The following NEDD1 variants were observed in gnomAD, a reference collection of about 807,000 sequenced individuals.
NEDD1 encodes protein NEDD1.
In NEDD1, 33 loss-of-function variants were observed where a neutral mutation model predicts 74.0. The observed-to-expected ratio is 0.45, with a 90% CI of 0.34 to 0.60. The LOEUF (loss-of-function observed/expected upper bound fraction) is 0.60. NEDD1 is among the 20% of genes least tolerant of loss of function. The pLI, the probability that NEDD1 is intolerant of heterozygous loss-of-function variation, is 0.01. For synonymous variants in NEDD1, 250 were observed against 264.4 expected, an observed-to-expected ratio of 0.95 and a Z score of 0.53; for missense variants, 746 against 776.5, an observed-to-expected ratio of 0.96 and a Z score of 0.47.
rs545333327 is a variant in NEDD1 at position 96,926,511 on chromosome 12, T to C, written c.489+6386T>C. On this transcript the variant is annotated intron_variant, in intron 6 of 15. Transcript: ENST00000266742. ...CAGTTTTCATGATTTTACATACTTA[T>C]GTTTTCCTTTTATGGGCAGCATAAT... 7.0e-4 allele frequency among the ~76,000 whole-genome samples: 107 copies of C among 152,292 alleles called. 1 individual carries two copies. Among genetic ancestry groups the C allele is most frequent in the Non-Finnish European group, 1.1e-3 (75 of 68,024 alleles).
intron 6 of NEDD1, among the ~76,000 whole-genome samples, chr12:96,927,955 A>C (rs1024632400): frequency 6.6e-6 from 1 of 152,094 alleles, no homozygotes; most frequent in Admixed American, 6.5e-5. Flanking sequence ...GATTCTCTAT[A>C]TATTTCTGTA....
At chr12:96,923,957 G>A (rs891654445) in intron 6 of NEDD1, among the ~76,000 whole-genome samples, 1 of 151,934 alleles carries the variant, frequency 6.6e-6, no homozygotes, top group Non-Finnish European at 1.5e-5. Flanking sequence ...GAAGAATCTT[G>A]CCTGCCCCAA....
rs1216468886 is a variant in NEDD1, at chr12:96,935,027, G to A, written c.541G>A (p.Val181Ile). Residue 181 changes from valine (V) to isoleucine (I), a missense_variant, in exon 7 of 16, where the codon GTT (valine) becomes ATT (isoleucine). Physicochemically the swap from Val to Ile is conservative, Grantham distance 29. This residue lies in a region of NEDD1 where 706 missense variants were observed against 706.7 expected (regional missense o/e 1.00). Transcript: ENST00000266742. Reference sequence around the variant, plus strand: ...GTTTAAGAAATCACTACTGGGCAGTGTTTCGGATAATGGAATAGTAACTCT... The same window carrying A: ...GTTTAAGAAATCACTACTGGGCAGTATTTCGGATAATGGAATAGTAACTCT... The part of the protein sequence containing the change: ...SLFKKSLLGS[V>I]SDNGIVTLWD... The A allele has an allele frequency of 1.2e-6, 2 of 1,612,632 alleles. No homozygotes were observed. Among genetic ancestry groups the A allele is most frequent in the Non-Finnish European group, 1.7e-6 (2 of 1,178,604 alleles).
chr12:96,916,848 G>A (rs1874521253), intron 4 of NEDD1, among the ~76,000 whole-genome samples: 1 of 152,166 alleles, frequency 6.6e-6, no homozygotes, highest in South Asian at 2.1e-4. Flanking sequence ...AGTGGAAACA[G>A]GGAAACCAGT....
chr12:96,909,987 C>A, intron 3 of NEDD1, 92 bp downstream of exon 3: 1 of 1,368,934 alleles, frequency 7.3e-7, no homozygotes, highest in South Asian at 1.5e-5. Flanking sequence ...GCATGTGCCT[C>A]ATACTGAGTA....
At chr12:96,935,702 A>G (rs1322633234) in intron 7 of NEDD1, among the ~76,000 whole-genome samples, 2 of 152,138 alleles carry the variant, frequency 1.3e-5, no homozygotes, top group Admixed American at 1.3e-4. Context: ...GGTAGTAACC[A>G]GGGACAACCT....
At chr12:96,907,426 G>A in intron 1 of NEDD1, 126 bp downstream of exon 1, 2 of 537,324 alleles carry the variant, frequency 3.7e-6, no homozygotes, top group Non-Finnish European at 6.5e-6. Context: ...TTGCGCGCCC[G>A]GAGCGGTTGC....
At chr12:96,934,453 C>T (rs1398514676) in intron 6 of NEDD1, among the ~76,000 whole-genome samples, 4 of 150,814 alleles carry the variant, frequency 2.7e-5, no homozygotes, top group East Asian at 1.9e-4. Context: ...TGAATGACAC[C>T]GTGGTTGTCA....
At chr12:96,944,492 C>T (rs249584) in intron 12 of NEDD1, 147 bp from the exon 13 acceptor site, 185,693 of 418,076 alleles carry the variant, frequency 0.44, 40,371 homozygotes, top group African/African-American at 0.55. Flanking sequence ...TTCTCTTTTT[C>T]TTTTTCTTCT....
chr12:96,936,717 G>A lies in NEDD1; in HGVS notation c.826G>A (p.Asp276Asn), dbSNP rs1168789651. 4 of 1,612,492 alleles carry A rather than the reference G, an allele frequency of 2.5e-6. No individual in the cohort carries two copies. The highest frequency in any genetic ancestry group is 1.3e-5 in the African/African-American group (1 of 74,914). ...TTCCCGGGGGAAAATATATCAATAT[G>A]ATTTAAGAATGTTGAAATCACCAGT... ...GSSRGKIYQY[D>N]LRMLKSPVKT... The change falls in exon 8 of 16, where the codon GAT becomes AAT. Residue 276 changes from aspartate (D) to asparagine (N), a missense_variant. Coordinates refer to ENST00000266742, the MANE Select transcript of NEDD1 (RefSeq NM_152905.4).
intron 11 of NEDD1, among the ~76,000 whole-genome samples, chr12:96,943,276 T>C (rs1230983079): frequency 6.6e-6 from 1 of 152,150 alleles, no homozygotes; most frequent in African/African-American, 2.4e-5. Context: ...CATTGTGTTT[T>C]GCTGTTTTCA....
At chr12:96,944,104 G>C (rs184287597) in intron 12 of NEDD1, among the ~76,000 whole-genome samples, 1 of 151,940 alleles carries the variant, frequency 6.6e-6, no homozygotes, top group African/African-American at 2.4e-5. Flanking sequence ...ATGGTGCTGA[G>C]AATGGAATTT....
At chr12:96,931,621 A>G (rs937121039) in intron 6 of NEDD1, among the ~76,000 whole-genome samples, 2 of 152,240 alleles carry the variant, frequency 1.3e-5, no homozygotes, top group African/African-American at 4.8e-5. Context: ...GATAGTAATC[A>G]GAGTACTTGC....
chr12:96,940,196 C>G (rs965126253), intron 9 of NEDD1, among the ~76,000 whole-genome samples: 1 of 151,744 alleles, frequency 6.6e-6, no homozygotes, highest in Non-Finnish European at 1.5e-5. Context: ...CCATGAAAAT[C>G]CTGGTTAACT....
intron 4 of NEDD1, among the ~76,000 whole-genome samples, chr12:96,913,588 G>C (rs1456116137): frequency 6.6e-6 from 1 of 151,990 alleles, no homozygotes; most frequent in Non-Finnish European, 1.5e-5. Flanking sequence ...TGGCCAGGCT[G>C]GTCTTGAACT....
chr12:96,910,903 AAATC>A (rs1378653839), intron 3 of NEDD1, among the ~76,000 whole-genome samples: 9 of 152,378 alleles, frequency 5.9e-5, no homozygotes, highest in Middle Eastern at 6.8e-3. Context: ...TCTGATAAAA[AAATC>A]AAAGCTTTAA....
At chr12:96,930,201 ACACACACACACTCTCTCT>A (rs1327616060) in intron 6 of NEDD1, among the ~76,000 whole-genome samples, 15 of 62,434 alleles carry the variant, frequency 2.4e-4, no homozygotes, top group African/African-American at 7.4e-4. Context: ...ACACACACAC[ACACACACACACTCTCTCT>A]CTCTCTCTCT....
rs1877232696 is a variant in NEDD1, at chr12:96,937,372, G to T, written c.1096G>T (p.Val366Phe). 1.3e-6 allele frequency: 2 copies of T among 1,593,910 alleles called. No individual in the cohort carries two copies. The highest frequency in any genetic ancestry group is 1.1e-5 in the South Asian group (1 of 87,928). Residue 366 changes from valine to phenylalanine, a missense_variant, in exon 9 of 16, where the codon GTT becomes TTT. By Grantham distance (50) the Val-to-Phe change is conservative. Around this residue, in one of 3 missense-constraint regions of NEDD1, gnomAD observed 706 missense variants for 706.7 expected, o/e 1.00. Coordinates refer to ENST00000266742, the MANE Select transcript of NEDD1 (RefSeq NM_152905.4). ...GACATCAGCTATGGGGAAAGGAACA[G>T]TTGCTGTTCAAGAAAAAGCAGGTAA... ...PMTSAMGKGT[V>F]AVQEKAGLPR... is the part of the protein sequence containing the mutation.
rs142089490 is a variant in NEDD1, at chr12:96,945,052, T to G, written c.1654+257T>G. On this transcript the variant is annotated intron_variant, in intron 13 of 15. Coordinates refer to ENST00000266742, the MANE Select transcript of NEDD1 (RefSeq NM_152905.4). ...ATATGTGTCTTTAATATGGTAGAGA[T>G]AGAATTATTATGTAGGACCCTTTGA... Among the ~76,000 whole-genome samples, 999 of 150,924 alleles carry G rather than the reference T, an allele frequency of 6.6e-3. 14 individuals are homozygous for G. The highest frequency in any genetic ancestry group is 0.024 in the African/African-American group (952 of 40,320).
Sources: allele counts gnomAD v4.1 joint callset (sites outside exome capture counted in the v4.1 genomes callset), GRCh38; gene constraint gnomAD v4.1.1; regional missense constraint gnomAD v4.1.1; transcripts MANE v1.5; gene names NCBI Gene and HGNC (gene_info 2026-07-23, HGNC 2026-07-21).